Variants in SPG7 observed in about 807,000 individuals in gnomAD.
SPG7 encodes SPG7 matrix AAA peptidase subunit, paraplegin.
SPG7 carries 103 observed loss-of-function variants against 81.9 expected under a neutral mutation model. That is an observed-to-expected ratio of 1.26 (90% CI 1.07 to 1.48). The LOEUF is 1.48. Ranked by LOEUF, SPG7 falls within the 40% of genes most tolerant of loss-of-function variation. SPG7 has a pLI of 0.00. For synonymous variants in SPG7, 534 were observed against 444.2 expected (o/e 1.20, Z -2.54); for missense variants, 1,241 against 1,087.3 (o/e 1.14, Z -1.99).
intron 11 of SPG7, 105 bp downstream of exon 11, chr16:89,546,865 T>C: frequency 1.3e-6 from 1 of 781,416 alleles, no homozygotes; most frequent in Non-Finnish European, 2.3e-6. Flanking sequence ...GCGCTGCTCC[T>C]TCTCTGGGGG....
At chr16:89,520,710 G>GT (rs34137719) in intron 3 of SPG7, 18 of 149,920 alleles carry the variant, frequency 1.2e-4, no homozygotes, top group South Asian at 2.1e-4. Flanking sequence ...GCTACGTTGT[G>GT]TTTTTTTTTT....
intron 1 of SPG7, chr16:89,508,927 C>G (rs748590300): frequency 9.5e-5 from 52 of 545,494 alleles, no homozygotes; most frequent in Non-Finnish European, 1.7e-4. Flanking sequence ...CGGCGTAGCA[C>G]TAATTTACAG....
At chr16:89,516,632 G>T (rs751775435) in intron 3 of SPG7, among the ~76,000 whole-genome samples, 1 of 151,478 alleles carries the variant, frequency 6.6e-6, no homozygotes, top group African/African-American at 2.4e-5. Flanking sequence ...AGGCCAAGGC[G>T]AGCAGATCAC....
intron 9 of SPG7, among the ~76,000 whole-genome samples, chr16:89,535,370 G>T (rs533481392): frequency 6.6e-6 from 1 of 152,180 alleles, no homozygotes; most frequent in Non-Finnish European, 1.5e-5. Flanking sequence ...TGTTCTCTAG[G>T]CTCTGAAAGC....
intron 10 of SPG7, 128 bp from the exon 11 acceptor site, chr16:89,546,530 C>T (rs1282253056): frequency 2.6e-6 from 2 of 779,562 alleles, no homozygotes; most frequent in East Asian, 4.9e-5. Context: ...ATACAAAACT[C>T]AGGCATGATG....
rs768823392 is a variant in SPG7, at chr16:89,546,656, AGGAGAGGCG to A, written c.1454_1462del (p.Arg485_Glu487del). Reference sequence around the variant, plus strand: ...CTGTCTTTCCTCCCCTGGTTCTGGCAGGAGAGGCGGGAGATTTTTGAGCAGCACCTGAAG... The same window carrying A: ...CTGTCTTTCCTCCCCTGGTTCTGGCAGGAGATTTTTGAGCAGCACCTGAAG... On this transcript the variant is annotated splice_acceptor_variant and coding_sequence_variant, in exon 11 of 17. Coordinates refer to ENST00000645818, the MANE Select transcript of SPG7 (RefSeq NM_003119.4). LOFTEE classifies it high-confidence loss of function. 3.5e-4 allele frequency: 568 copies of A among 1,606,364 alleles called. No homozygotes were observed. Among genetic ancestry groups the A allele is most frequent in the Non-Finnish European group, 4.2e-4 (492 of 1,174,286 alleles).
intron 9 of SPG7, 113 bp from the exon 10 acceptor site, chr16:89,544,535 C>T (rs2058538518): frequency 7.8e-7 from 1 of 1,274,026 alleles, no homozygotes; most frequent in East Asian, 2.3e-5. Flanking sequence ...TCCTTTCTCT[C>T]TGGGCCTTAG....
intron 9 of SPG7, among the ~76,000 whole-genome samples, chr16:89,534,017 A>G (rs1408499664): frequency 6.6e-5 from 10 of 152,188 alleles, no homozygotes; most frequent in Admixed American, 6.5e-4. Flanking sequence ...CTAAAAGACA[A>G]TGAATACGTT....
chr16:89,545,651 G>C, intron 10 of SPG7: 1 of 258,204 alleles, frequency 3.9e-6, no homozygotes, highest in Non-Finnish European at 7.6e-6. Context: ...AGCTTCTCCA[G>C]GGGACACGGC....
intron 3 of SPG7, chr16:89,520,793 G>A (rs2058178149): frequency 6.6e-6 from 1 of 152,148 alleles, no homozygotes. Flanking sequence ...TGATCCACCT[G>A]TCTCGACTCC....
chr16:89,526,366 T>C lies in SPG7; in HGVS notation c.656T>C (p.Ile219Thr), dbSNP rs114255772. 7.9e-5 allele frequency: 127 copies of C among 1,614,200 alleles called. No homozygotes were observed. The East Asian group carries it at 2.3e-3, about 29-fold the overall frequency. ...ATGTACCGAATGCAGGTTGCAAATA[T>C]TGACAAGTTTGAAGAGAAGCTTCGA... Reference protein sequence around the residue: ...ALMYRMQVANIDKFEEKLRAA... With the variant: ...ALMYRMQVANTDKFEEKLRAA... Residue 219 changes from isoleucine (I) to threonine (T), a missense_variant, in exon 5 of 17, where the codon ATT becomes ACT. By Grantham distance (89) the Ile-to-Thr change is moderately conservative. Coordinates refer to ENST00000645818, the MANE Select transcript of SPG7 (RefSeq NM_003119.4).
chr16:89,513,226 G>A (rs374228970), intron 3 of SPG7, among the ~76,000 whole-genome samples, 189 bp downstream of exon 3: 40 of 152,238 alleles, frequency 2.6e-4, no homozygotes, highest in African/African-American at 8.7e-4. Context: ...ACCACATAGC[G>A]AGACCCTGTC....
At chr16:89,511,136 C>G (rs2058016224) in intron 2 of SPG7, among the ~76,000 whole-genome samples, 1 of 152,132 alleles carries the variant, frequency 6.6e-6, no homozygotes, top group South Asian at 2.1e-4. Flanking sequence ...CCGCATCTGG[C>G]CAAGTTGTCC....
At chr16:89,536,950 C>G (rs754955776) in intron 9 of SPG7, 10 of 1,614,172 alleles carry the variant, frequency 6.2e-6, no homozygotes, top group Non-Finnish European at 8.5e-7. Flanking sequence ...AGCCCAAAGG[C>G]AAGCGTATAT....
chr16:89,527,169 T>C (rs2058275618), intron 5 of SPG7: 1 of 155,544 alleles, frequency 6.4e-6, no homozygotes, highest in Admixed American at 6.3e-5. Flanking sequence ...TGAGTATAGA[T>C]GCACGTTTTT....
At chr16:89,545,968 A>G (rs912849577) in intron 10 of SPG7, 18 of 446,246 alleles carry the variant, frequency 4.0e-5, no homozygotes, top group Non-Finnish European at 7.1e-5. Flanking sequence ...AGGAGCTAGG[A>G]CTACTATGGG....
intron 3 of SPG7, among the ~76,000 whole-genome samples, chr16:89,516,500 G>A (rs1489238563): frequency 6.6e-6 from 1 of 152,108 alleles, no homozygotes; most frequent in East Asian, 1.9e-4. Context: ...GCAGGGAGCT[G>A]AGATTGTGCC....
In SPG7 at chr16:89,553,146, G is replaced by A. The variant is rs1408458127; in HGVS notation, c.1936+11G>A. 1 of 1,592,198 alleles carries A rather than the reference G, an allele frequency of 6.3e-7. No individual in the cohort carries two copies. The highest frequency in any genetic ancestry group is 8.6e-7 in the Non-Finnish European group (1 of 1,169,424). ...ACGAGGTCACTTCTGGTGAGGAGCAGCGGCGCGGGCCCTGGAGGTTTCAGA... is the reference window on the plus strand; with the variant it reads ...ACGAGGTCACTTCTGGTGAGGAGCAACGGCGCGGGCCCTGGAGGTTTCAGA... On this transcript the variant is annotated intron_variant, in intron 14 of 16. Coordinates refer to ENST00000645818, the MANE Select transcript of SPG7 (RefSeq NM_003119.4).
chr16:89,526,557 G>A, intron 5 of SPG7, 89 bp downstream of exon 5: 2 of 1,480,674 alleles, frequency 1.4e-6, no homozygotes, highest in South Asian at 2.3e-5. Context: ...ATCTCAAACT[G>A]TCTTTGCCTA....
Sources: allele counts gnomAD v4.1 joint callset (sites outside exome capture counted in the v4.1 genomes callset), GRCh38; gene constraint gnomAD v4.1.1; transcripts MANE v1.5; gene names NCBI Gene and HGNC (gene_info 2026-07-23, HGNC 2026-07-21).